Variants in METTL15 observed in about 807,000 individuals in gnomAD.
METTL15 encodes 12S rRNA N(4)-cytidine methyltransferase METTL15.
A neutral mutation model predicts 38.3 loss-of-function variants in METTL15; 34 were observed. The ratio of observed to expected loss-of-function variants is 0.89; its 90% CI spans 0.68 to 1.18. The LOEUF (loss-of-function observed/expected upper bound fraction) is 1.18. Ranked by LOEUF, METTL15 falls within the 50% of genes most tolerant of loss-of-function variation. The probability of loss-of-function intolerance (pLI) is 0.00; values close to 1 mark genes in which losing one functional copy is unlikely to be tolerated. For synonymous variants in METTL15, 162 were observed against 170.9 expected (o/e 0.95, Z 0.41); for missense variants, 438 against 498.4 (o/e 0.88, Z 1.15).
At chr11:28,300,458 A>G (rs1223395041) in intron 6 of METTL15, among the ~76,000 whole-genome samples, 1 of 152,158 alleles carries the variant, frequency 6.6e-6, no homozygotes, top group African/African-American at 2.4e-5. Context: ...TGTTAATTGT[A>G]AAATCTAAAG....
intron 6 of METTL15, among the ~76,000 whole-genome samples, chr11:28,309,672 C>T (rs1352429809): frequency 1.3e-5 from 2 of 152,048 alleles, no homozygotes; most frequent in African/African-American, 4.8e-5. Context: ...CTCTCTGGTT[C>T]TCGTTTATTT....
chr11:28,236,880 T>C (rs181652346), intron 4 of METTL15, among the ~76,000 whole-genome samples: 1 of 152,332 alleles, frequency 6.6e-6, no homozygotes, highest in Admixed American at 6.5e-5. Context: ...TGGCTGGATA[T>C]GAAATTCTGG....
intron 3 of METTL15, among the ~76,000 whole-genome samples, chr11:28,175,663 G>A (rs1172408796): frequency 6.6e-6 from 1 of 152,118 alleles, no homozygotes; most frequent in African/African-American, 2.4e-5. Flanking sequence ...ATTTGCCAGA[G>A]TCAAAAATCT....
At chr11:28,319,020 C>G (rs1849368399) in intron 6 of METTL15, among the ~76,000 whole-genome samples, 1 of 152,134 alleles carries the variant, frequency 6.6e-6, no homozygotes, top group Admixed American at 6.5e-5. Context: ...ATTATCATTC[C>G]CAGGATAAGA....
intron 6 of METTL15, among the ~76,000 whole-genome samples, chr11:28,458,018 A>G (rs955922279): frequency 2.6e-5 from 4 of 152,164 alleles, no homozygotes; most frequent in African/African-American, 9.7e-5. Flanking sequence ...GCAAGACCTC[A>G]CCCTGTAGGG....
At chr11:28,221,340 C>T (rs1016540922) in intron 4 of METTL15, among the ~76,000 whole-genome samples, 1 of 152,132 alleles carries the variant, frequency 6.6e-6, no homozygotes, top group Non-Finnish European at 1.5e-5. Flanking sequence ...CCCTTTGATC[C>T]AGTTGATCGA....
At chr11:28,510,785 A>G (rs1851667507) in intron 6 of METTL15, among the ~76,000 whole-genome samples, 1 of 152,204 alleles carries the variant, frequency 6.6e-6, no homozygotes, top group African/African-American at 2.4e-5. Flanking sequence ...TAAACATACC[A>G]TACTACTGCC....
At chr11:28,254,161 T>C (rs1484182381) in intron 4 of METTL15, among the ~76,000 whole-genome samples, 4 of 152,226 alleles carry the variant, frequency 2.6e-5, no homozygotes, top group Non-Finnish European at 2.9e-5. Flanking sequence ...TGTCTTTGGA[T>C]ATAAACCATT....
intron 5 of METTL15, among the ~76,000 whole-genome samples, chr11:28,422,936 C>T (rs1416161092): frequency 2.0e-5 from 3 of 151,822 alleles, no homozygotes; most frequent in Admixed American, 1.3e-4. Context: ...AAAATGTTTG[C>T]AACTACCCAT....
intron 4 of METTL15, among the ~76,000 whole-genome samples, chr11:28,220,247 G>C (rs1476508824): frequency 1.3e-5 from 2 of 152,160 alleles, no homozygotes; most frequent in East Asian, 1.9e-4. Flanking sequence ...GGGTGCTCCT[G>C]TATTGGGTGC....
At chr11:28,441,110 A>C (rs2133440533) in intron 6 of METTL15, among the ~76,000 whole-genome samples, 1 of 151,832 alleles carries the variant, frequency 6.6e-6, no homozygotes, top group Non-Finnish European at 1.5e-5. Context: ...CATTACCAAA[A>C]ATTTTATTGA....
chr11:28,327,614 T>TA (rs1849680865), intron 6 of METTL15: 2 of 152,712 alleles, frequency 1.3e-5, no homozygotes, highest in African/African-American at 4.8e-5. Context: ...TCTCATCGTT[T>TA]GACAGCTAGC....
At chr11:28,217,840 G>C (rs959264068) in intron 4 of METTL15, among the ~76,000 whole-genome samples, 12 of 152,040 alleles carry the variant, frequency 7.9e-5, no homozygotes, top group African/African-American at 1.2e-4. Context: ...TCTTGTTTTT[G>C]TCAGGTTTGT....
At chr11:28,425,437 C>T (rs1225483429) in intron 6 of METTL15, among the ~76,000 whole-genome samples, 3 of 152,208 alleles carry the variant, frequency 2.0e-5, no homozygotes, top group African/African-American at 7.2e-5. Flanking sequence ...TTTCTCACAT[C>T]GTTTTATATA....
intron 3 of METTL15, among the ~76,000 whole-genome samples, chr11:28,176,993 T>C (rs1245849246): frequency 6.6e-6 from 1 of 152,032 alleles, no homozygotes; most frequent in African/African-American, 2.4e-5. Context: ...TGATAAACTT[T>C]TTGCCTTTCT....
At chr11:28,380,357 A>T (rs987130456) in intron 5 of METTL15, among the ~76,000 whole-genome samples, 2 of 152,154 alleles carry the variant, frequency 1.3e-5, no homozygotes, top group African/African-American at 2.4e-5. Flanking sequence ...TTTAATAGAG[A>T]TGAGGTTTCA....
intron 6 of METTL15, among the ~76,000 whole-genome samples, chr11:28,514,334 A>C (rs1320047345): frequency 6.6e-6 from 1 of 152,192 alleles, no homozygotes; most frequent in Non-Finnish European, 1.5e-5. Flanking sequence ...AGCTTGAATG[A>C]TATGATATGT....
intron 5 of METTL15, among the ~76,000 whole-genome samples, chr11:28,391,149 T>A (rs1850502037): frequency 2.0e-5 from 3 of 152,098 alleles, no homozygotes; most frequent in Admixed American, 2.0e-4. Flanking sequence ...TGGGGTTTTC[T>A]AGATATACAA....
chr11:28,247,240 G>A (rs112984491), intron 4 of METTL15, among the ~76,000 whole-genome samples: 4 of 151,990 alleles, frequency 2.6e-5, no homozygotes, highest in Non-Finnish European at 5.9e-5. Context: ...TATGTCCATC[G>A]TGGTATATCT....
Sources: gnomAD v4.1 joint callset for allele counts (sites outside exome capture counted in the v4.1 genomes callset) on GRCh38, gnomAD v4.1.1 for gene constraint, MANE v1.5 for transcripts, NCBI Gene and HGNC (gene_info 2026-07-23, HGNC 2026-07-21) for gene names.